The following OTOG variants were observed in gnomAD, a reference collection of about 807,000 sequenced individuals.
OTOG encodes the protein otogelin.
A neutral mutation model predicts 313.8 loss-of-function variants in OTOG; 296 were observed. That is an observed-to-expected ratio of 0.94 (90% CI 0.86 to 1.04). The LOEUF (loss-of-function observed/expected upper bound fraction) is 1.04. Ranked by LOEUF, OTOG falls within the 50% of genes least tolerant of loss-of-function variation. OTOG has a pLI of 0.00. For synonymous variants in OTOG, 1,533 were observed against 1,554.9 expected (o/e 0.99, Z 0.33); for missense variants, 3,948 against 3,840.1 (o/e 1.03, Z -0.74).
intron 31 of OTOG, among the ~76,000 whole-genome samples, chr11:17,601,840 G>A (rs537797684): frequency 2.0e-5 from 3 of 152,298 alleles, no homozygotes; most frequent in South Asian, 4.1e-4. Flanking sequence ...CGGGTCTGAC[G>A]TCTTCTTCCA....
In OTOG at chr11:17,635,125, G is replaced by T; in HGVS notation, c.7631G>T (p.Arg2544Leu). The T allele has an allele frequency of 6.5e-7, 1 of 1,549,320 alleles. No homozygotes were observed. The highest frequency in any genetic ancestry group is 8.7e-7 in the Non-Finnish European group (1 of 1,146,716). ...GAGGCAGAGCTGGTCCCCAGCTGCC[G>T]ACAGGACCAGATCCTGATCACGGGC... ...LCEAELVPSCRQDQILITGRL... is the reference protein window; with the variant it reads ...LCEAELVPSCLQDQILITGRL... Residue 2544 changes from arginine to leucine, a missense_variant, in exon 46 of 56, where the codon CGA (arginine) becomes CTA (leucine). By Grantham distance (102) the Arg-to-Leu change is moderately radical (BLOSUM62 -2). Coordinates refer to ENST00000399397, the MANE Select transcript of OTOG (RefSeq NM_001292063.2).
intron 32 of OTOG, 22 bp downstream of exon 32, chr11:17,602,399 C>T (rs751871103): frequency 1.3e-6 from 2 of 1,542,824 alleles, no homozygotes; most frequent in South Asian, 1.2e-5. Context: ...CCCAGTCCCA[C>T]TCCAGCTCTT....
At chr11:17,552,182 C>G (rs558122870) in intron 4 of OTOG, 107 bp downstream of exon 4, 2 of 1,098,870 alleles carry the variant, frequency 1.8e-6, no homozygotes, top group Non-Finnish European at 2.7e-6. Context: ...TCCATGACCC[C>G]TTTTTCCTGC....
intron 17 of OTOG, among the ~76,000 whole-genome samples, chr11:17,571,385 C>T (rs1480022280): frequency 1.3e-5 from 2 of 152,138 alleles, no homozygotes; most frequent in African/African-American, 4.8e-5. Context: ...GGGTGCCAGG[C>T]AGAACCTGCC....
chr11:17,571,663 G>C (rs957159280), intron 17 of OTOG, among the ~76,000 whole-genome samples: 1 of 152,158 alleles, frequency 6.6e-6, no homozygotes, highest in South Asian at 2.1e-4. Flanking sequence ...GAAGAGCTGG[G>C]GGTGGGGAAT....
Position 17,570,364 on chromosome 11 carries a change from C to T in OTOG, c.1929C>T (p.Phe643=). 6.4e-7 allele frequency: 1 copy of T among 1,550,558 alleles called. No individual in the cohort carries two copies. The highest frequency in any genetic ancestry group is 8.7e-7 in the Non-Finnish European group (1 of 1,146,960). Residue 643 remains phenylalanine (F), a synonymous_variant, in exon 17 of 56, where the codon TTC becomes TTT. Transcript: ENST00000399397. ...ATACCGTGGGCCTCTGCGGCACCTTCAATGGCAACACGCAGGATGACTTCC... is the reference window on the plus strand; with the variant it reads ...ATACCGTGGGCCTCTGCGGCACCTTTAATGGCAACACGCAGGATGACTTCC... ...VEDTVGLCGT[F]NGNTQDDFLS...
intron 39 of OTOG, 117 bp from the exon 40 acceptor site, chr11:17,629,016 G>A (rs1456315580): frequency 2.8e-6 from 3 of 1,067,630 alleles, no homozygotes; most frequent in Admixed American, 2.4e-5. Context: ...CCTAATAAAT[G>A]TTTGTCAGAT....
In OTOG at chr11:17,576,553, T is replaced by C; in HGVS notation, c.2487-3T>C. 4 of 1,549,864 alleles carry C rather than the reference T, an allele frequency of 2.6e-6. No homozygotes were observed. Among genetic ancestry groups the C allele is most frequent in the South Asian group, 1.2e-5 (1 of 84,040 alleles). ...ACCTTTCTTTGCTCCCATTTTTTTA[T>C]AGGAACCAGTGCTCCTGCCACTTCC... is the stretch of plus-strand genomic sequence containing the variant. On this transcript the variant is annotated splice_region_variant and splice_polypyrimidine_tract_variant and intron_variant, in intron 20 of 55. Transcript: ENST00000399397.
rs373915799 is a variant in OTOG at position 17,557,849 on chromosome 11, A to T, written c.866-336A>T. 6.0e-4 allele frequency among the ~76,000 whole-genome samples: 91 copies of T among 152,226 alleles called. 2 individuals are homozygous for T. In the South Asian group the frequency reaches 0.017, roughly 29 times the overall value. On this transcript the variant is annotated intron_variant, in intron 8 of 55. Coordinates refer to ENST00000399397, the MANE Select transcript of OTOG (RefSeq NM_001292063.2). ...ATCTCACTGGGAGATTATGTTCCCTATGGCAAATATGGGGAAACTGAGGCT... is the reference window on the plus strand; with the variant it reads ...ATCTCACTGGGAGATTATGTTCCCTTTGGCAAATATGGGGAAACTGAGGCT...
At chr11:17,582,426 T>G (rs1296448882) in intron 23 of OTOG, among the ~76,000 whole-genome samples, 1 of 152,216 alleles carries the variant, frequency 6.6e-6, no homozygotes, top group Admixed American at 6.5e-5. Flanking sequence ...GATGGACATT[T>G]GGGTTGTTTT....
In OTOG at chr11:17,634,905, C is replaced by G. The variant is rs752641698; in HGVS notation, c.7542C>G (p.Leu2514=). ...APTCRPGHRL[L]THFQEDSCCP... is the part of the protein sequence containing the mutation. ...CATGCCGCCCAGGCCACCGCCTCCT[C>G]ACCCACTTCCAGGAGGACTCCTGCT... The change falls in exon 45 of 56, where the codon CTC becomes CTG. Residue 2514 remains leucine, a synonymous_variant. Coordinates refer to ENST00000399397, the MANE Select transcript of OTOG (RefSeq NM_001292063.2). The G allele has an allele frequency of 2.6e-4, 397 of 1,549,350 alleles. 1 individual carries two copies. Among genetic ancestry groups the G allele is most frequent in the Middle Eastern group, 1.8e-3 (10 of 5,424 alleles).
At chr11:17,643,302 C>A (rs1848010741) in intron 53 of OTOG, among the ~76,000 whole-genome samples, 159 bp from the exon 54 acceptor site, 2 of 152,266 alleles carry the variant, frequency 1.3e-5, no homozygotes, top group Admixed American at 1.3e-4. Flanking sequence ...GCCCCCGTGG[C>A]TCTCCTATGG....
chr11:17,575,033 G>A, intron 20 of OTOG, 121 bp downstream of exon 20: 1 of 1,021,850 alleles, frequency 9.8e-7, no homozygotes, highest in South Asian at 1.8e-5. Context: ...CACAGTTGCA[G>A]GCCAGACCTT....
chr11:17,610,607 C>A lies in OTOG; in HGVS notation c.5307C>A (p.Thr1769=), dbSNP rs1218138037. The A allele has an allele frequency of 6.4e-6, 10 of 1,550,534 alleles. No homozygotes were observed. Among genetic ancestry groups the A allele is most frequent in the Non-Finnish European group, 7.8e-6 (9 of 1,146,988 alleles). The part of the protein sequence containing the change: ...ATRSPALPPE[T]PAAASLSTAT... ...GGTCTCCAGCTCTGCCCCCAGAGAC[C>A]CCAGCTGCCGCCAGCCTGTCAACAG... is the stretch of plus-strand genomic sequence containing the variant. The change falls in exon 36 of 56, where the codon ACC becomes ACA. Residue 1769 remains threonine, a synonymous_variant. Transcript: ENST00000399397.
At chr11:17,617,949 G>T (rs1253850234) in intron 39 of OTOG, among the ~76,000 whole-genome samples, 1 of 148,760 alleles carries the variant, frequency 6.7e-6, no homozygotes, top group Admixed American at 6.7e-5. Flanking sequence ...GTCTCACTCT[G>T]TCGCCCAGGC....
intron 19 of OTOG, among the ~76,000 whole-genome samples, chr11:17,574,356 G>A (rs527759665): frequency 5.4e-4 from 82 of 152,284 alleles, no homozygotes; most frequent in African/African-American, 1.9e-3. Context: ...GCTCATGCAT[G>A]TGTCTATGTG....
In OTOG at chr11:17,610,614, G is replaced by A. The variant is rs564672549; in HGVS notation, c.5314G>A (p.Ala1772Thr). Residue 1772 changes from alanine to threonine, a missense_variant, in exon 36 of 56, where the codon GCC (alanine) becomes ACC (threonine). Ala to Thr is a moderately conservative substitution (Grantham distance 58, BLOSUM62 0). Coordinates refer to ENST00000399397, the MANE Select transcript of OTOG (RefSeq NM_001292063.2). ...SPALPPETPA[A>T]ASLSTATDGL... ...AGCTCTGCCCCCAGAGACCCCAGCT[G>A]CCGCCAGCCTGTCAACAGCCACTGA... is the stretch of plus-strand genomic sequence containing the variant. The A allele has an allele frequency of 1.9e-5, 29 of 1,550,596 alleles. No individual in the cohort carries two copies. The South Asian group carries it at 3.3e-4, about 18-fold the overall frequency.
intron 47 of OTOG, among the ~76,000 whole-genome samples, chr11:17,635,971 G>A (rs909848262): frequency 1.3e-5 from 2 of 152,158 alleles, no homozygotes; most frequent in Non-Finnish European, 2.9e-5. Context: ...TAGGGTTGAA[G>A]GACAAATACT....
intron 15 of OTOG, among the ~76,000 whole-genome samples, chr11:17,564,234 T>C (rs979570833): frequency 2.0e-5 from 3 of 152,224 alleles, no homozygotes; most frequent in African/African-American, 7.2e-5. Context: ...CTTCAGGCTC[T>C]TGTGGCCTGT....
Sources: allele counts gnomAD v4.1 joint callset (sites outside exome capture counted in the v4.1 genomes callset), GRCh38; gene constraint gnomAD v4.1.1; transcripts MANE v1.5; gene names NCBI Gene and HGNC (gene_info 2026-07-23, HGNC 2026-07-21).